CDH12: variants seen among roughly 807,000 people sequenced by gnomAD.
The protein encoded by CDH12 is cadherin 12, also known as cadherin-12.
Under a neutral mutation model 74.1 loss-of-function variants are expected in CDH12, and 41 were observed. That is an observed-to-expected ratio of 0.55 (90% CI 0.43 to 0.72). The LOEUF (loss-of-function observed/expected upper bound fraction) is 0.72, where lower values mean the gene tolerates loss of function less well. CDH12 is among the 30% of genes least tolerant of loss of function. The pLI, the probability that CDH12 is intolerant of heterozygous loss-of-function variation, is 0.00. For synonymous variants in CDH12, 399 were observed against 355.0 expected (o/e 1.12, Z -1.39); for missense variants, 945 against 977.2 (o/e 0.97, Z 0.44).
At position 21,883,876 on chromosome 5, in the gene CDH12, G is replaced by A. The variant is rs1752490295; in HGVS notation, c.527-29086C>T. On this transcript the variant is annotated intron_variant, in intron 6 of 14. Coordinates refer to ENST00000382254, the MANE Select transcript of CDH12 (RefSeq NM_004061.5). Reference sequence around the variant, plus strand: ...GTTACAGATGCCCTTAATGCTACAAGAGCTGCTGTTGAAGGAGGCATTGTT... The same window carrying A: ...GTTACAGATGCCCTTAATGCTACAAAAGCTGCTGTTGAAGGAGGCATTGTT... 5 of 1,606,398 alleles carry A rather than the reference G, an allele frequency of 3.1e-6. No homozygotes were observed. In the African/African-American group the frequency reaches 5.4e-5, roughly 17 times the overall value.
intron 1 of CDH12, among the ~76,000 whole-genome samples, chr5:22,546,735 G>C (rs1397712521): frequency 6.6e-6 from 1 of 152,082 alleles, no homozygotes; most frequent in Non-Finnish European, 1.5e-5. Context: ...AAAAGACAGA[G>C]AACCTATAAT....
chr5:22,725,316 C>T (rs1056792517), intron 1 of CDH12, among the ~76,000 whole-genome samples: 1 of 151,792 alleles, frequency 6.6e-6, no homozygotes, highest in African/African-American at 2.4e-5. Context: ...ATAATATATA[C>T]AATGGATGAG....
intron 2 of CDH12, among the ~76,000 whole-genome samples, chr5:22,431,650 A>G (rs2126521430): frequency 6.6e-6 from 1 of 152,348 alleles, no homozygotes; most frequent in African/African-American, 2.4e-5. Context: ...AATGCATGTA[A>G]GTGCCCCTGG....
chr5:22,095,549 A>C (rs1743705728), intron 4 of CDH12, among the ~76,000 whole-genome samples: 1 of 150,372 alleles, frequency 6.7e-6, no homozygotes, highest in Non-Finnish European at 1.5e-5. Flanking sequence ...GAACACTCCA[A>C]CTCCTTCTCT....
chr5:22,707,449 A>G (rs1401271565), intron 1 of CDH12, among the ~76,000 whole-genome samples: 1 of 152,106 alleles, frequency 6.6e-6, no homozygotes, highest in East Asian at 1.9e-4. Flanking sequence ...AGGAATGTCT[A>G]CTGACTTTCA....
chr5:22,394,084 G>T (rs925934461), intron 3 of CDH12, among the ~76,000 whole-genome samples: 1 of 152,124 alleles, frequency 6.6e-6, no homozygotes, highest in African/African-American at 2.4e-5. Context: ...AAATTGCAAA[G>T]AATACTACAA....
intron 1 of CDH12, among the ~76,000 whole-genome samples, chr5:22,515,174 A>G: frequency 6.6e-6 from 1 of 152,244 alleles, no homozygotes; most frequent in East Asian, 1.9e-4. Flanking sequence ...GTAAAACTTG[A>G]TTGATAACTA....
chr5:22,421,103 G>A (rs895924765), intron 2 of CDH12, among the ~76,000 whole-genome samples: 24 of 152,116 alleles, frequency 1.6e-4, no homozygotes, highest in Admixed American at 7.8e-4. Context: ...TGAGATGGTC[G>A]GGTTTTCTAG....
intron 6 of CDH12, among the ~76,000 whole-genome samples, chr5:21,944,162 A>G (rs1334673998): frequency 1.3e-5 from 2 of 152,208 alleles, no homozygotes; most frequent in African/African-American, 2.4e-5. Flanking sequence ...TCAGTAGCTA[A>G]TATTAGAAAT....
intron 1 of CDH12, among the ~76,000 whole-genome samples, chr5:22,843,614 G>GTGTA (rs894940221): frequency 1.8e-4 from 5 of 27,216 alleles, no homozygotes; most frequent in African/African-American, 8.0e-4. Context: ...AACATTTGTG[G>GTGTA]TGTGTGTGTG....
In CDH12 at chr5:22,334,911, G is replaced by A. The variant is rs1739508196; in HGVS notation, c.-333+70346C>T. Among the ~76,000 whole-genome samples the A allele has an allele frequency of 2.6e-5, 4 of 151,976 alleles. No homozygotes were observed. In the South Asian group the frequency reaches 8.3e-4, roughly 32 times the overall value. ...TAAAAATACTATAAGAAAACATGCA[G>A]AAACTCTCCACAGCATTTGTCTGGA... is the stretch of plus-strand genomic sequence containing the variant. On this transcript the variant is annotated intron_variant, in intron 3 of 14. Transcript: ENST00000382254.
intron 1 of CDH12, among the ~76,000 whole-genome samples, chr5:22,574,143 G>A (rs1739670201): frequency 7.5e-6 from 1 of 133,794 alleles, no homozygotes; most frequent in Admixed American, 8.5e-5. Flanking sequence ...GCAGTGGCGT[G>A]ATCTCAGCTC....
At chr5:21,795,440 T>G (rs1454131646) in intron 10 of CDH12, among the ~76,000 whole-genome samples, 1 of 151,914 alleles carries the variant, frequency 6.6e-6, no homozygotes, top group African/African-American at 2.4e-5. Context: ...GGTCAAGTCA[T>G]TCATTGAACA....
At position 22,822,023 on chromosome 5, in the gene CDH12, C is replaced by T. The variant is rs1321717479; in HGVS notation, c.-523+31035G>A. Among the ~76,000 whole-genome samples, 13 of 152,028 alleles carry T rather than the reference C, an allele frequency of 8.6e-5. 1 individual carries two copies. The highest frequency in any genetic ancestry group is 7.9e-4 in the Admixed American group (12 of 15,254). ...TAACCAAAACAGTGTGGTACTGGTA[C>T]CAAAACAGAGATATAGATCAATGGA... On this transcript the variant is annotated intron_variant, in intron 1 of 14. Transcript: ENST00000382254.
At chr5:22,722,583 T>C in intron 1 of CDH12, among the ~76,000 whole-genome samples, 1 of 150,502 alleles carries the variant, frequency 6.6e-6, no homozygotes, top group East Asian at 1.9e-4. Flanking sequence ...ATTTAAATAC[T>C]CACAAGTTCA....
intron 2 of CDH12, among the ~76,000 whole-genome samples, chr5:22,446,192 G>A (rs34767950): frequency 0.087 from 13,286 of 152,074 alleles, 782 homozygotes; most frequent in Non-Finnish European, 0.13. Context: ...GGAGACACAT[G>A]TCAGTTCTCC....
At chr5:22,022,957 A>C (rs558347667) in intron 5 of CDH12, among the ~76,000 whole-genome samples, 76 of 152,276 alleles carry the variant, frequency 5.0e-4, no homozygotes, top group Non-Finnish European at 1.0e-3. Context: ...CCTTCCTTTC[A>C]TTATCACCAA....
At chr5:22,578,384 T>G (rs1739901124) in intron 1 of CDH12, among the ~76,000 whole-genome samples, 2 of 84,130 alleles carry the variant, frequency 2.4e-5, no homozygotes, top group African/African-American at 5.9e-5. Flanking sequence ...AGTTTGTGTG[T>G]GTGGGGGGGG....
At chr5:21,919,628 C>T (rs1754262193) in intron 6 of CDH12, among the ~76,000 whole-genome samples, 2 of 152,138 alleles carry the variant, frequency 1.3e-5, no homozygotes. Context: ...TTAGATGTCA[C>T]CAATCTCTTT....
Sources: gnomAD v4.1 joint callset for allele counts (sites outside exome capture counted in the v4.1 genomes callset) on GRCh38, gnomAD v4.1.1 for gene constraint, MANE v1.5 for transcripts, NCBI Gene and HGNC (gene_info 2026-07-23, HGNC 2026-07-21) for gene names.